The following PRDM2 variants were observed in gnomAD, a reference collection of about 807,000 sequenced individuals.
PRDM2 encodes PR domain zinc finger protein 2.
A neutral mutation model predicts 130.0 loss-of-function variants in PRDM2; 30 were observed. That is an observed-to-expected ratio of 0.23 (90% CI 0.17 to 0.31). The LOEUF (loss-of-function observed/expected upper bound fraction) is 0.31. Among genes scored for constraint, PRDM2 ranks in the 10% least tolerant of loss-of-function variants. PRDM2 has a pLI of 1.00. For synonymous variants in PRDM2, 871 were observed against 782.4 expected, an observed-to-expected ratio of 1.11 and a Z score of -1.89; for missense variants, 2,011 against 2,108.4, an observed-to-expected ratio of 0.95 and a Z score of 0.90.
chr1:13,748,814 GGTTGGTGGCCCCGGGCGGCCTCCC>G (rs1021057886), intron 5 of PRDM2, among the ~76,000 whole-genome samples: 16 of 152,332 alleles, frequency 1.1e-4, no homozygotes, highest in Admixed American at 2.6e-4. Flanking sequence ...GACCAGAGCA[GGTTGGTGGCCCCGGGCGGCCTCCC>G]GTTGGCGGCT....
intron 4 of PRDM2, among the ~76,000 whole-genome samples, chr1:13,740,295 C>T (rs865825067): frequency 3.3e-5 from 5 of 152,162 alleles, no homozygotes; most frequent in Non-Finnish European, 7.3e-5. Flanking sequence ...TGTTTGTCTC[C>T]GTAGTCTCAT....
intron 4 of PRDM2, among the ~76,000 whole-genome samples, chr1:13,739,308 A>G (rs764026689): frequency 2.0e-5 from 3 of 152,138 alleles, no homozygotes; most frequent in Non-Finnish European, 4.4e-5. Context: ...TCGGCCTCCC[A>G]GAGTGCTGGG....
chr1:13,732,562 A>G (rs1299091956), intron 3 of PRDM2, among the ~76,000 whole-genome samples: 3 of 152,242 alleles, frequency 2.0e-5, no homozygotes, highest in African/African-American at 4.8e-5. Flanking sequence ...TCGTAAAACA[A>G]TATAGGTTCT....
At chr1:13,731,481 C>A (rs551471919) in intron 3 of PRDM2, among the ~76,000 whole-genome samples, 25 of 152,308 alleles carry the variant, frequency 1.6e-4, no homozygotes, top group South Asian at 4.2e-4. Context: ...CCATTATATT[C>A]ACTTCATTGT....
chr1:13,816,643 G>C, intron 9 of PRDM2, 73 bp downstream of exon 9: 2 of 1,535,392 alleles, frequency 1.3e-6, no homozygotes, highest in Non-Finnish European at 1.8e-6. Context: ...GGTCTTGGGT[G>C]GGGAGGGAAG....
chr1:13,793,522 C>T (rs564289398), intron 8 of PRDM2, among the ~76,000 whole-genome samples: 3 of 152,112 alleles, frequency 2.0e-5, no homozygotes, highest in East Asian at 1.9e-4. Flanking sequence ...TTTCAAAAGC[C>T]CTGAAAGAGA....
chr1:13,756,465 A>G (rs1402292525), intron 6 of PRDM2, among the ~76,000 whole-genome samples: 1 of 152,134 alleles, frequency 6.6e-6, no homozygotes, highest in Non-Finnish European at 1.5e-5. Context: ...CTGAAGTTTT[A>G]TTTTGACCAT....
chr1:13,782,396 C>T lies in PRDM2; in HGVS notation c.4601C>T (p.Thr1534Ile). The T allele has an allele frequency of 6.2e-7, 1 of 1,614,002 alleles. No homozygotes were observed. The change falls in exon 8 of 10, where the codon ACC becomes ATC. Residue 1534 changes from threonine (T) to isoleucine (I), a missense_variant. Physicochemically the swap from Thr to Ile is moderately conservative, Grantham distance 89. Coordinates refer to ENST00000311066, the MANE Select transcript of PRDM2 (RefSeq NM_001393986.1). ...MQSMQTPLGK[T>I]RARSSGPTQV... ...AGCATGCAGACTCCGTTGGGCAAGA[C>T]CAGAGCCCGCAGCTCAGGCCCCACC...
At chr1:13,813,388 T>C (rs964970638) in intron 8 of PRDM2, among the ~76,000 whole-genome samples, 1 of 152,142 alleles carries the variant, frequency 6.6e-6, no homozygotes, top group African/African-American at 2.4e-5. Context: ...TCTTTGACAG[T>C]GAAGCACTTC....
intron 8 of PRDM2, among the ~76,000 whole-genome samples, chr1:13,791,813 T>TG (rs1324194636): frequency 1.3e-5 from 2 of 152,254 alleles, no homozygotes; most frequent in African/African-American, 4.8e-5. Context: ...GTCGACCTGT[T>TG]GCGGGTAATA....
chr1:13,749,399 T>A lies in PRDM2; in HGVS notation c.423T>A (p.Asn141Lys). ...APGEELLVWY[N>K]GEDNPEIAAA... ...GCGAGGAGCTCCTGGTCTGGTACAA[T>A]GGGGAAGACAACCCTGAGATAGCAG... Residue 141 changes from asparagine to lysine, a missense_variant, in exon 6 of 10, where the codon AAT (asparagine) becomes AAA (lysine). Physicochemically the swap from Asn to Lys is moderately conservative, Grantham distance 94. Transcript: ENST00000311066. The A allele has an allele frequency of 6.7e-7, 1 of 1,499,866 alleles. No individual in the cohort carries two copies. The highest frequency in any genetic ancestry group is 9.0e-7 in the Non-Finnish European group (1 of 1,110,226). 92.9% of individuals were successfully genotyped at this position (1,499,866 alleles called of 1,614,324 possible). A position where few individuals can be genotyped will look rare whatever the true frequency, so the allele number is the denominator to read the frequency against.
intron 8 of PRDM2, chr1:13,787,347 G>C: frequency 1.0e-6 from 1 of 984,932 alleles, no homozygotes; most frequent in Non-Finnish European, 1.2e-6. Context: ...CTCTAATAGA[G>C]ATTAAAAACA....
intron 8 of PRDM2, among the ~76,000 whole-genome samples, chr1:13,796,568 C>T (rs1644926007): frequency 6.6e-6 from 1 of 152,064 alleles, no homozygotes; most frequent in Non-Finnish European, 1.5e-5. Flanking sequence ...CCAGCCTGGG[C>T]AACATAGTGA....
At chr1:13,731,184 A>C in intron 3 of PRDM2, 67 bp downstream of exon 3, 1 of 1,274,102 alleles carries the variant, frequency 7.8e-7, no homozygotes, top group Non-Finnish European at 1.1e-6. Context: ...GGCTTCCTGC[A>C]GGGGCATGTC....
intron 8 of PRDM2, among the ~76,000 whole-genome samples, chr1:13,790,166 T>C (rs1335172676): frequency 6.6e-6 from 1 of 152,198 alleles, no homozygotes; most frequent in Middle Eastern, 3.2e-3. Flanking sequence ...ATATGTACTT[T>C]AAAGACCCCA....
intron 2 of PRDM2, among the ~76,000 whole-genome samples, chr1:13,729,079 T>C (rs907136131): frequency 1.3e-5 from 2 of 152,220 alleles, no homozygotes; most frequent in East Asian, 3.8e-4. Context: ...AAGCAATGTC[T>C]CTAAGCTCTA....
intron 6 of PRDM2, among the ~76,000 whole-genome samples, chr1:13,752,835 T>G (rs1325371940): frequency 2.0e-5 from 3 of 152,148 alleles, no homozygotes; most frequent in Non-Finnish European, 2.9e-5. Flanking sequence ...GAGATGAAGT[T>G]TCCCTAGCCT....
intron 2 of PRDM2, among the ~76,000 whole-genome samples, chr1:13,730,089 G>A (rs1643053540): frequency 6.6e-6 from 1 of 152,142 alleles, no homozygotes; most frequent in Admixed American, 6.5e-5. Context: ...GTGTTTCCCT[G>A]TGCAGTGAAA....
chr1:13,772,391 G>A (rs1018396701), intron 6 of PRDM2, among the ~76,000 whole-genome samples: 3 of 152,140 alleles, frequency 2.0e-5, no homozygotes, highest in Admixed American at 6.5e-5. Context: ...CCTTGTAAAC[G>A]TATGGTATCA....
Sources: gnomAD v4.1 joint callset for allele counts (sites outside exome capture counted in the v4.1 genomes callset) on GRCh38, gnomAD v4.1.1 for gene constraint, MANE v1.5 for transcripts, NCBI Gene and HGNC (gene_info 2026-07-23, HGNC 2026-07-21) for gene names.